FILIP1L: variants seen among roughly 807,000 people sequenced by gnomAD.
FILIP1L encodes filamin A interacting protein 1 like, also known as filamin A-interacting protein 1-like.
A neutral mutation model predicts 96.6 loss-of-function variants in FILIP1L; 55 were observed. The ratio of observed to expected loss-of-function variants is 0.57; its 90% CI spans 0.46 to 0.71. The LOEUF is 0.71. FILIP1L is among the 30% of genes least tolerant of loss of function. FILIP1L has a pLI of 0.00. For synonymous variants in FILIP1L, 467 were observed against 473.9 expected (o/e 0.99, Z 0.19); for missense variants, 1,304 against 1,321.2 (o/e 0.99, Z 0.20).
chr3:99,881,695 G>A (rs1410677978), intron 4 of FILIP1L, among the ~76,000 whole-genome samples: 1 of 152,098 alleles, frequency 6.6e-6, no homozygotes. Context: ...ACCACGCCTG[G>A]CTAATTTTTG....
intron 1 of FILIP1L, among the ~76,000 whole-genome samples, chr3:100,031,859 G>A (rs1286108658): frequency 1.3e-5 from 2 of 152,186 alleles, no homozygotes; most frequent in Non-Finnish European, 2.9e-5. Context: ...TATGGTCTGT[G>A]TAGTAACTAC....
rs71907944 is a variant in FILIP1L at position 100,062,093 on chromosome 3, C to CTTTTTTTTTTTTTTTTTTTTTTT, written c.-11+51937_-11+51959dup. On this transcript the variant is annotated intron_variant, in intron 1 of 5. Coordinates refer to ENST00000477258, the MANE Select transcript of FILIP1L (RefSeq NM_001387850.1). Reference sequence around the variant, plus strand: ...CCACTTGTGGTTATCCTGTCTTCTTCTTTTTTTTTTTTTTTTTTTTTTTTT... The same window carrying CTTTTTTTTTTTTTTTTTTTTTTT: ...CCACTTGTGGTTATCCTGTCTTCTTCTTTTTTTTTTTTTTTTTTTTTTTTTTTTTTTTTTTTTTTTTTTTTTTT... Among the ~76,000 whole-genome samples, 2 of 53,182 alleles carry CTTTTTTTTTTTTTTTTTTTTTTT rather than the reference C, an allele frequency of 3.8e-5. 1 individual carries two copies. The highest frequency in any genetic ancestry group is 1.8e-4 in the African/African-American group (2 of 11,244). The allele number at this position is 53,182 out of a possible 152,430, so 34.9% of individuals were successfully genotyped here.
At chr3:100,055,599 C>T (rs1031284882) in intron 1 of FILIP1L, among the ~76,000 whole-genome samples, 1 of 152,082 alleles carries the variant, frequency 6.6e-6, no homozygotes, top group Admixed American at 6.5e-5. Context: ...ATAAATTACC[C>T]ATTGCTATAC....
intron 1 of FILIP1L, among the ~76,000 whole-genome samples, 159 bp from the exon 2 acceptor site, chr3:99,931,189 A>T (rs1340596070): frequency 1.3e-5 from 2 of 152,160 alleles, no homozygotes; most frequent in Non-Finnish European, 2.9e-5. Flanking sequence ...TAGCAGATTC[A>T]TAAATCACAG....
At chr3:100,012,971 A>G (rs115426209) in intron 1 of FILIP1L, among the ~76,000 whole-genome samples, 1 of 151,608 alleles carries the variant, frequency 6.6e-6, no homozygotes, top group Non-Finnish European at 1.5e-5. Context: ...GTATTTATTT[A>G]TTTATTTGGA....
intron 5 of FILIP1L, among the ~76,000 whole-genome samples, chr3:99,837,275 T>G (rs1942939364): frequency 6.6e-6 from 1 of 152,164 alleles, no homozygotes; most frequent in South Asian, 2.1e-4. Flanking sequence ...TATGGAACTT[T>G]TGAGGACCTC....
chr3:100,002,009 C>T (rs1709856026), intron 1 of FILIP1L, among the ~76,000 whole-genome samples: 1 of 152,088 alleles, frequency 6.6e-6, no homozygotes, highest in Admixed American at 6.6e-5. Context: ...TTGGAAATGC[C>T]CCTCTCTGGA....
chr3:99,950,207 T>C (rs1708135110), intron 1 of FILIP1L, among the ~76,000 whole-genome samples: 1 of 152,200 alleles, frequency 6.6e-6, no homozygotes, highest in Non-Finnish European at 1.5e-5. Context: ...ATATTTTCTC[T>C]TGCCACTTGC....
intron 1 of FILIP1L, among the ~76,000 whole-genome samples, chr3:100,034,710 A>C (rs2065078104): frequency 6.6e-6 from 1 of 152,312 alleles, no homozygotes; most frequent in East Asian, 1.9e-4. Flanking sequence ...TTCAAAGTAC[A>C]CCTGCTTGAA....
Position 99,848,907 on chromosome 3 carries a change from G to A in FILIP1L, c.2769C>T (p.Thr923=), listed in dbSNP as rs373124183. ...NTATLEITSP[T]TESPHSYTST... Reference sequence around the variant, plus strand: ...TCGTGTAAGAGTGAGGACTCTCTGTGGTTGGACTTGTGATTTCAAGAGTGG... The same window carrying A: ...TCGTGTAAGAGTGAGGACTCTCTGTAGTTGGACTTGTGATTTCAAGAGTGG... The change falls in exon 5 of 6, where the codon ACC becomes ACT. Residue 923 remains threonine, a synonymous_variant. Coordinates refer to ENST00000477258, the MANE Select transcript of FILIP1L (RefSeq NM_001387850.1). 40 of 1,614,034 alleles carry A rather than the reference G, an allele frequency of 2.5e-5. No individual in the cohort carries two copies. Among genetic ancestry groups the A allele is most frequent in the Non-Finnish European group, 3.1e-5 (37 of 1,180,032 alleles).
At chr3:100,078,884 C>T (rs2065891283) in intron 1 of FILIP1L, among the ~76,000 whole-genome samples, 1 of 151,866 alleles carries the variant, frequency 6.6e-6, no homozygotes, top group Admixed American at 6.6e-5. Flanking sequence ...GAGTGGGACT[C>T]CATATCAAAA....
At chr3:99,892,759 A>G (rs1441770324) in intron 4 of FILIP1L, among the ~76,000 whole-genome samples, 4 of 152,200 alleles carry the variant, frequency 2.6e-5, no homozygotes, top group Non-Finnish European at 5.9e-5. Flanking sequence ...CTTATGCCTT[A>G]TTGTCTGGAA....
chr3:100,094,427 T>C (rs2066165835), intron 1 of FILIP1L, among the ~76,000 whole-genome samples: 1 of 152,202 alleles, frequency 6.6e-6, no homozygotes, highest in African/African-American at 2.4e-5. Context: ...AAAAGTCTTT[T>C]GTTTTGATAC....
At chr3:100,008,966 C>T (rs1710066603) in intron 1 of FILIP1L, among the ~76,000 whole-genome samples, 1 of 152,194 alleles carries the variant, frequency 6.6e-6, no homozygotes, top group Non-Finnish European at 1.5e-5. Context: ...TTCTGTTTGA[C>T]ATTGATTTTC....
chr3:99,847,904 A>C, intron 5 of FILIP1L: 1 of 980,410 alleles, frequency 1.0e-6, no homozygotes, highest in Non-Finnish European at 1.2e-6. Context: ...CAGAATGACC[A>C]AAAGAAAATT....
At chr3:99,943,590 G>A (rs1037418247) in intron 1 of FILIP1L, among the ~76,000 whole-genome samples, 13 of 152,070 alleles carry the variant, frequency 8.5e-5, no homozygotes, top group Non-Finnish European at 7.4e-5. Context: ...TGTAGTCCCA[G>A]CTACTCGGGA....
At chr3:99,927,647 G>A (rs1707337574) in intron 3 of FILIP1L, among the ~76,000 whole-genome samples, 1 of 152,154 alleles carries the variant, frequency 6.6e-6, no homozygotes, top group Non-Finnish European at 1.5e-5. Context: ...GGGATTACAG[G>A]CATGAGCCAC....
chr3:99,968,152 C>A (rs1019867859), intron 1 of FILIP1L, among the ~76,000 whole-genome samples: 1 of 152,036 alleles, frequency 6.6e-6, no homozygotes, highest in Admixed American at 6.6e-5. Flanking sequence ...AGGGAAGGTA[C>A]CTTGGAGGAT....
intron 3 of FILIP1L, among the ~76,000 whole-genome samples, chr3:99,927,372 G>GTT (rs202105318): frequency 1.3e-4 from 19 of 141,444 alleles, no homozygotes; most frequent in South Asian, 2.3e-4. Context: ...TTTTCTTTCT[G>GTT]TTTTTTTTTT....
Sources: gnomAD v4.1 joint callset for allele counts (sites outside exome capture counted in the v4.1 genomes callset) on GRCh38, gnomAD v4.1.1 for gene constraint, MANE v1.5 for transcripts, NCBI Gene and HGNC (gene_info 2026-07-23, HGNC 2026-07-21) for gene names.